Variants in PAPLN observed in about 807,000 individuals in gnomAD.
PAPLN encodes papilin, proteoglycan like sulfated glycoprotein.
In PAPLN, 146 loss-of-function variants were observed where a neutral mutation model predicts 159.0. The observed-to-expected ratio is 0.92, with a 90% CI of 0.80 to 1.05. The LOEUF is 1.05. Among genes scored for constraint, PAPLN ranks in the 50% least tolerant of loss-of-function variants. The pLI is 0.00. For synonymous variants in PAPLN, 734 were observed against 702.9 expected (o/e 1.04, Z -0.70); for missense variants, 1,720 against 1,743.9 (o/e 0.99, Z 0.24).
At chr14:73,267,643 G>A (rs7161380) in intron 25 of PAPLN, among the ~76,000 whole-genome samples, 335 of 152,378 alleles carry the variant, frequency 2.2e-3, no homozygotes, top group African/African-American at 7.6e-3. Context: ...TGCACTGGCT[G>A]GGAGAGGTGA....
Position 73,272,719 on chromosome 14 carries a change from A to G in PAPLN, c.*55A>G. On this transcript the variant is annotated 3_prime_UTR_variant, in exon 27 of 27. Coordinates refer to ENST00000644200, the MANE Select transcript of PAPLN (RefSeq NM_001365906.3). ...AAATAGTTCATAGGGCTAGGGAGAA[A>G]GGAAGATGGACTCTTGGCTTCCTCT... 1.4e-6 allele frequency: 2 copies of G among 1,424,188 alleles called. No individual in the cohort carries two copies. Among genetic ancestry groups the G allele is most frequent in the South Asian group, 3.3e-5 (2 of 59,930 alleles). 88.2% of individuals were successfully genotyped at this position (1,424,188 alleles called of 1,614,324 possible). A position where few individuals can be genotyped will look rare whatever the true frequency, so the allele number is the denominator to read the frequency against.
chr14:73,262,979 C>A, intron 19 of PAPLN, 152 bp downstream of exon 19: 1 of 645,160 alleles, frequency 1.5e-6, no homozygotes, highest in Non-Finnish European at 2.3e-6. Flanking sequence ...TTGTTGCCAT[C>A]ATTCTACAGA....
rs5809610 is a variant in PAPLN at position 73,272,980 on chromosome 14, ATTTG to A, written c.*328_*331del. 0.034 allele frequency: 7,273 copies of A among 214,816 alleles called. 204 individuals carry two copies. The highest frequency in any genetic ancestry group is 0.049 in the Non-Finnish European group (5,370 of 109,256). The allele number at this position is 214,816 out of a possible 1,614,324, so 13.3% of individuals were successfully genotyped here. A position where few individuals can be genotyped will look rare whatever the true frequency, so the allele number is the denominator to read the frequency against. On this transcript the variant is annotated 3_prime_UTR_variant, in exon 27 of 27. Coordinates refer to ENST00000644200, the MANE Select transcript of PAPLN (RefSeq NM_001365906.3). ...TTGTTACACAGGAATAGTTAAATGC[ATTTG>A]TTTGTTTGTTTTTTGAGACAGAGTT...
At chr14:73,252,208 G>T in intron 10 of PAPLN, 67 bp downstream of exon 10, 1 of 1,496,658 alleles carries the variant, frequency 6.7e-7, no homozygotes, top group Non-Finnish European at 8.9e-7. Context: ...CCACAGGTGG[G>T]CAAGTCACAG....
intron 2 of PAPLN, 107 bp from the exon 3 acceptor site, chr14:73,244,537 A>G (rs1030996593): frequency 2.1e-6 from 2 of 935,566 alleles, no homozygotes; most frequent in Non-Finnish European, 3.3e-6. Context: ...GGAGAATCCC[A>G]GACTCCTTGA....
Position 73,259,465 on chromosome 14 carries a change from C to A in PAPLN, c.1905C>A (p.His635Gln). ...SGPHDCRHSP[H>Q]GCCPDGHTAS... ...CCCACGACTGCAGACACAGTCCTCACGGGTGCTGCCCCGATGGCCACACGG... is the reference window on the plus strand; with the variant it reads ...CCCACGACTGCAGACACAGTCCTCAAGGGTGCTGCCCCGATGGCCACACGG... The change falls in exon 16 of 27, where the codon CAC (histidine) becomes CAA (glutamine). Residue 635 changes from histidine (H) to glutamine (Q), a missense_variant. Physicochemically the swap from His to Gln is conservative, Grantham distance 24 (BLOSUM62 0). Transcript: ENST00000644200. The A allele has an allele frequency of 2.5e-6, 4 of 1,610,992 alleles. No homozygotes were observed. The highest frequency in any genetic ancestry group is 3.4e-6 in the Non-Finnish European group (4 of 1,179,056).
chr14:73,261,861 C>T (rs1191833881), intron 18 of PAPLN, among the ~76,000 whole-genome samples: 1 of 152,030 alleles, frequency 6.6e-6, no homozygotes, highest in Admixed American at 6.5e-5. Flanking sequence ...GCGAGGGCTG[C>T]TGGAATGGCA....
chr14:73,262,580 G>A lies in PAPLN; in HGVS notation c.2476G>A (p.Asp826Asn), dbSNP rs781770404. 2 of 1,563,280 alleles carry A rather than the reference G, an allele frequency of 1.3e-6. No individual in the cohort carries two copies. The highest frequency in any genetic ancestry group is 1.7e-6 in the Non-Finnish European group (2 of 1,152,612). Residue 826 changes from aspartate to asparagine, a missense_variant, in exon 19 of 27, where the codon GAT becomes AAT. By Grantham distance (23) the Asp-to-Asn change is conservative. Transcript: ENST00000644200. Reference protein sequence around the residue: ...PGASGRSTHTDGGGSSPAGEQ... With the variant: ...PGASGRSTHTNGGGSSPAGEQ... ...GGCTTCTGGAAGGAGCACCCACACG[G>A]ATGGTGGCGGCAGCAGTCCTGCAGG...
At chr14:73,269,862 G>A (rs1400438121) in intron 26 of PAPLN, among the ~76,000 whole-genome samples, 1 of 151,990 alleles carries the variant, frequency 6.6e-6, no homozygotes, top group African/African-American at 2.4e-5. Context: ...ACTCAGAGGG[G>A]CAGGCCTGGC....
intron 26 of PAPLN, among the ~76,000 whole-genome samples, chr14:73,271,167 T>C (rs1347523195): frequency 6.6e-6 from 1 of 152,202 alleles, no homozygotes; most frequent in Non-Finnish European, 1.5e-5. Context: ...GCTTAATCAC[T>C]ATGCTGAGTT....
intron 2 of PAPLN, among the ~76,000 whole-genome samples, chr14:73,241,355 C>T (rs1883518733): frequency 6.6e-6 from 1 of 152,162 alleles, no homozygotes; most frequent in African/African-American, 2.4e-5. Context: ...GGAGGGGGCA[C>T]GAGGACAGCG....
At chr14:73,266,447 G>T in intron 23 of PAPLN, 54 bp from the exon 24 acceptor site, 1 of 1,601,276 alleles carries the variant, frequency 6.2e-7, no homozygotes, top group Non-Finnish European at 8.5e-7. Context: ...GACGGAGCTG[G>T]AGGAGAGGGG....
rs374433238 is a variant in PAPLN, at chr14:73,272,931, T to C, written c.*267T>C. 2.6e-4 allele frequency: 85 copies of C among 328,116 alleles called. 1 individual carries two copies. The South Asian group carries it at 0.011, about 43-fold the overall frequency. The allele number at this position is 328,116 out of a possible 1,614,324, so 20.3% of individuals were successfully genotyped here. A position where few individuals can be genotyped will look rare whatever the true frequency, so the allele number is the denominator to read the frequency against. ...AATCTGTTTGGATAAGAAAAACCTT[T>C]ACTTTACAGCTTCCCTTTATAATTT... On this transcript the variant is annotated 3_prime_UTR_variant, in exon 27 of 27. Transcript: ENST00000644200.
rs751959761 is a variant in PAPLN, at chr14:73,264,327, G to A, written c.2978G>A (p.Arg993His). The A allele has an allele frequency of 1.7e-5, 27 of 1,613,516 alleles. No homozygotes were observed. Among genetic ancestry groups the A allele is most frequent in the Non-Finnish European group, 1.9e-5 (23 of 1,179,840 alleles). The change falls in exon 21 of 27, where the codon CGC (arginine) becomes CAC (histidine). Residue 993 changes from arginine (R) to histidine (H), a missense_variant. Coordinates refer to ENST00000644200, the MANE Select transcript of PAPLN (RefSeq NM_001365906.3). The part of the protein sequence containing the change: ...PGRDSQKIQL[R>H]IIGGDMAVLS... The stretch of plus-strand genomic sequence containing the variant: ...CGCGACTCCCAGAAGATCCAACTTC[G>A]CATCATAGGTCTCTGTCCCCACCCC...
rs1463207140 is a variant in PAPLN, at chr14:73,268,510, A to G, written c.3501-47A>G. On this transcript the variant is annotated intron_variant, in intron 25 of 26. Coordinates refer to ENST00000644200, the MANE Select transcript of PAPLN (RefSeq NM_001365906.3). ...ATTACCTCTTCCCTCTGTCTCCCAGACCTCCAGAGGCCCTTGATGGCTCTC... is the reference window on the plus strand; with the variant it reads ...ATTACCTCTTCCCTCTGTCTCCCAGGCCTCCAGAGGCCCTTGATGGCTCTC... The G allele has an allele frequency of 1.9e-6, 3 of 1,562,656 alleles. No homozygotes were observed. In the African/African-American group the frequency reaches 4.1e-5, roughly 21 times the overall value.
At chr14:73,243,079 A>G (rs28582381) in intron 2 of PAPLN, 33,352 of 151,824 alleles carry the variant, frequency 0.22, 4,588 homozygotes, top group East Asian at 0.42. Context: ...TGCAACCTCC[A>G]CCTCCCGGGT....
chr14:73,237,760 A>AGT (rs915274034), intron 1 of PAPLN, among the ~76,000 whole-genome samples, 168 bp downstream of exon 1: 1 of 152,120 alleles, frequency 6.6e-6, no homozygotes, highest in African/African-American at 2.4e-5. Flanking sequence ...AGGTGGGCGC[A>AGT]GGGTCATCGC....
chr14:73,257,753 C>CTTCTTTTTTTT (rs1886085400), intron 14 of PAPLN, among the ~76,000 whole-genome samples: 1 of 91,256 alleles, frequency 1.1e-5, no homozygotes, highest in East Asian at 4.9e-4. Context: ...TCTCTTTCTT[C>CTTCTTTTTTTT]TTTTTTTTTT....
rs754784118 is a variant in PAPLN at position 73,263,713 on chromosome 14, G to A, written c.2792G>A (p.Cys931Tyr). Residue 931 changes from cysteine (C) to tyrosine (Y), a missense_variant, in exon 20 of 27, where the codon TGC becomes TAC. Cys to Tyr is a radical substitution (Grantham distance 194). Transcript: ENST00000644200. ...CTGGGGCAGTTGGTGCGGCTCTCCTGCTCAGACGACACTGCCCCGGAATCC... is the reference window on the plus strand; with the variant it reads ...CTGGGGCAGTTGGTGCGGCTCTCCTACTCAGACGACACTGCCCCGGAATCC... ...AALGQLVRLS[C>Y]SDDTAPESQA... 1.9e-6 allele frequency: 3 copies of A among 1,612,366 alleles called. No homozygotes were observed.
Sources: allele counts gnomAD v4.1 joint callset (sites outside exome capture counted in the v4.1 genomes callset), GRCh38; gene constraint gnomAD v4.1.1; transcripts MANE v1.5; gene names NCBI Gene and HGNC (gene_info 2026-07-23, HGNC 2026-07-21).